ZNF91: variants seen among roughly 807,000 people sequenced by gnomAD.
ZNF91 encodes zinc finger protein 91.
A neutral mutation model predicts 12.6 loss-of-function variants in ZNF91; 7 were observed. The observed-to-expected ratio is 0.55, with a 90% CI of 0.31 to 1.04. The LOEUF (loss-of-function observed/expected upper bound fraction) is 1.04. Among genes scored for constraint, ZNF91 ranks in the 50% least tolerant of loss-of-function variants. The pLI is 0.05. For missense variants in ZNF91, 1,217 were observed against 1,385.4 expected, an observed-to-expected ratio of 0.88 and a Z score of 1.93; for synonymous variants, 453 against 462.6, an observed-to-expected ratio of 0.98 and a Z score of 0.27.
At chr19:23,376,379 CT>C (rs34610013) in intron 1 of ZNF91, among the ~76,000 whole-genome samples, 28,357 of 146,666 alleles carry the variant, frequency 0.19, 2,847 homozygotes, top group Middle Eastern at 0.22. Flanking sequence ...CTATCATAAG[CT>C]TTTTTTTTTT....
intron 1 of ZNF91, among the ~76,000 whole-genome samples, chr19:23,377,621 T>A (rs1969549939): frequency 6.6e-6 from 1 of 152,138 alleles, no homozygotes; most frequent in Non-Finnish European, 1.5e-5. Context: ...TCCCTTACAC[T>A]CAGCACTCCT....
chr19:23,323,655 CCTCCTTTCCTCTT>C (rs1240126296), intron 1 of ZNF91, among the ~76,000 whole-genome samples: 28 of 135,904 alleles, frequency 2.1e-4, no homozygotes, highest in Non-Finnish European at 7.7e-5. Context: ...CTCCTCTCCT[CCTCCTTTCCTCTT>C]CTCTCCTCCT....
rs1968587038 is a variant in ZNF91, at chr19:23,359,098, C to T, written c.*305G>A. ...GGCTGAGGACCAGAAAAAGGATTTG[C>T]CACATTCTTCACATTTGTAGAGTTT... On this transcript the variant is annotated 3_prime_UTR_variant, in exon 4 of 4. Coordinates refer to ENST00000300619, the MANE Select transcript of ZNF91 (RefSeq NM_003430.4). 3.6e-6 allele frequency: 2 copies of T among 561,264 alleles called. No individual in the cohort carries two copies. The highest frequency in any genetic ancestry group is 4.4e-5 in the Admixed American group (2 of 45,002). 34.8% of individuals were successfully genotyped at this position (561,264 alleles called of 1,614,324 possible).
At chr19:23,318,621 T>C (rs1967619953) in intron 1 of ZNF91, among the ~76,000 whole-genome samples, 2 of 152,184 alleles carry the variant, frequency 1.3e-5, no homozygotes, top group African/African-American at 4.8e-5. Context: ...AACTATTTGA[T>C]GTGACTCTTC....
intron 3 of ZNF91, among the ~76,000 whole-genome samples, chr19:23,351,803 C>T (rs1599710971): frequency 6.6e-6 from 1 of 152,208 alleles, no homozygotes; most frequent in East Asian, 1.9e-4. Context: ...CTGTGAGTGC[C>T]CCAACTGCAG....
At chr19:23,333,389 T>C (rs1274497829) in intron 1 of ZNF91, among the ~76,000 whole-genome samples, 2 of 152,202 alleles carry the variant, frequency 1.3e-5, no homozygotes, top group Non-Finnish European at 2.9e-5. Flanking sequence ...AAGGCAACAA[T>C]TGAATTGGCT....
At chr19:23,312,594 C>A (rs1967488605), upstream of ZNF91, among the ~76,000 whole-genome samples, 2 of 152,134 alleles carry the variant, frequency 1.3e-5, no homozygotes, top group Admixed American at 1.3e-4. Flanking sequence ...GAGATTGTGA[C>A]TATCATACAT....
intron 1 of ZNF91, among the ~76,000 whole-genome samples, chr19:23,332,503 G>A (rs1416295801): frequency 6.6e-6 from 1 of 151,548 alleles, no homozygotes; most frequent in East Asian, 1.9e-4. Context: ...CTGTGCTTCT[G>A]ACCCCTGCCG....
At chr19:23,336,298 G>A (rs1447025245), downstream of ZNF91, among the ~76,000 whole-genome samples, 1 of 152,182 alleles carries the variant, frequency 6.6e-6, no homozygotes, top group Non-Finnish European at 1.5e-5. Flanking sequence ...AAGGAGAATA[G>A]CTCTCTCTCC....
intron 1 of ZNF91, among the ~76,000 whole-genome samples, chr19:23,317,617 C>T (rs1279242739): frequency 1.3e-5 from 2 of 152,152 alleles, no homozygotes; most frequent in Non-Finnish European, 2.9e-5. Context: ...CATACTGCCA[C>T]GTGAACACGG....
chr19:23,324,886 G>A (rs1304585031), intron 1 of ZNF91: 1 of 151,722 alleles, frequency 6.6e-6, no homozygotes, highest in African/African-American at 2.4e-5. Flanking sequence ...ATAACTATCC[G>A]CCCTTTTCAT....
intron 2 of ZNF91, among the ~76,000 whole-genome samples, chr19:23,374,092 A>G (rs866813184): frequency 6.6e-6 from 1 of 152,162 alleles, no homozygotes; most frequent in Non-Finnish European, 1.5e-5. Context: ...ATTTTATGCC[A>G]CAAAACTTCT....
intron 1 of ZNF91, among the ~76,000 whole-genome samples, chr19:23,389,125 T>C (rs529425683): frequency 6.6e-6 from 1 of 151,824 alleles, no homozygotes; most frequent in Admixed American, 6.6e-5. Context: ...ATAACAAACC[T>C]GCATGTGTAC....
intron 3 of ZNF91, among the ~76,000 whole-genome samples, chr19:23,305,402 T>C (rs1967384019): frequency 6.6e-6 from 1 of 151,996 alleles, no homozygotes; most frequent in South Asian, 2.1e-4. Context: ...GTATTCCAAT[T>C]AGCCAATTAA....
chr19:23,377,236 T>C (rs1969535064), intron 1 of ZNF91, among the ~76,000 whole-genome samples: 1 of 152,204 alleles, frequency 6.6e-6, no homozygotes, highest in Admixed American at 6.5e-5. Context: ...TTAACTCTCA[T>C]GAATGTATCT....
intron 1 of ZNF91, chr19:23,326,149 T>C (rs1967833070): frequency 6.6e-6 from 1 of 152,192 alleles, no homozygotes. Context: ...TCTCAAATAC[T>C]ACCTTTTCTA....
At chr19:23,310,768 T>TG (rs1311699162), upstream of ZNF91, 1 of 152,108 alleles carries the variant, frequency 6.6e-6, no homozygotes, top group Non-Finnish European at 1.5e-5. Context: ...TGGTAGGCCT[T>TG]GCCCCCCAGG....
At chr19:23,366,044 A>G (rs1373253478) in intron 3 of ZNF91, among the ~76,000 whole-genome samples, 2 of 152,080 alleles carry the variant, frequency 1.3e-5, no homozygotes, top group Non-Finnish European at 2.9e-5. Flanking sequence ...CCACAAAACC[A>G]CCACTGTCAT....
chr19:23,364,426 C>T (rs1968921726), intron 3 of ZNF91, among the ~76,000 whole-genome samples: 1 of 151,572 alleles, frequency 6.6e-6, no homozygotes, highest in Non-Finnish European at 1.5e-5. Flanking sequence ...GCCTGGGCAA[C>T]AAGAGCAAAA....
Sources: gnomAD v4.1 joint callset for allele counts (sites outside exome capture counted in the v4.1 genomes callset) on GRCh38, gnomAD v4.1.1 for gene constraint, MANE v1.5 for transcripts, NCBI Gene and HGNC (gene_info 2026-07-23, HGNC 2026-07-21) for gene names.